The following EPHA6 variants were observed in gnomAD, a reference collection of about 807,000 sequenced individuals.
EPHA6 encodes ephrin type-A receptor 6.
A neutral mutation model predicts 112.0 loss-of-function variants in EPHA6; 50 were observed. The ratio of observed to expected loss-of-function variants is 0.45; its 90% CI spans 0.36 to 0.56. The LOEUF is 0.56. Among genes scored for constraint, EPHA6 ranks in the 20% least tolerant of loss-of-function variants. EPHA6 has a pLI of 0.00. For missense variants in EPHA6, 1,280 were observed against 1,417.4 expected (o/e 0.90, Z 1.56); for synonymous variants, 529 against 490.7 (o/e 1.08, Z -1.03).
At chr3:96,820,000 A>G (rs1481574937) in intron 1 of EPHA6, among the ~76,000 whole-genome samples, 1 of 152,122 alleles carries the variant, frequency 6.6e-6, no homozygotes, top group Non-Finnish European at 1.5e-5. Context: ...TTTGAAGGTG[A>G]CATTGAAACC....
intron 14 of EPHA6, among the ~76,000 whole-genome samples, chr3:97,702,205 T>G (rs2033434858): frequency 6.6e-6 from 1 of 152,204 alleles, no homozygotes; most frequent in Non-Finnish European, 1.5e-5. Context: ...AAACTATGCA[T>G]TTTTATCAGG....
chr3:97,440,739 A>G (rs947775563), intron 6 of EPHA6, among the ~76,000 whole-genome samples: 3 of 151,722 alleles, frequency 2.0e-5, no homozygotes, highest in Non-Finnish European at 4.4e-5. Context: ...AGCAAGTGTA[A>G]AATCAAAAAT....
chr3:97,402,428 C>G (rs1371664260), intron 5 of EPHA6, among the ~76,000 whole-genome samples: 1 of 152,180 alleles, frequency 6.6e-6, no homozygotes, highest in South Asian at 2.1e-4. Flanking sequence ...GACATAAACT[C>G]TATTTTACCT....
At chr3:97,599,697 G>A (rs1177261371) in intron 12 of EPHA6, among the ~76,000 whole-genome samples, 2 of 151,296 alleles carry the variant, frequency 1.3e-5, no homozygotes, top group African/African-American at 2.4e-5. Context: ...AAGTCAGATA[G>A]TGTGATGCCT....
chr3:97,009,485 A>G (rs1455949889), intron 3 of EPHA6, among the ~76,000 whole-genome samples: 1 of 152,166 alleles, frequency 6.6e-6, no homozygotes, highest in Non-Finnish European at 1.5e-5. Context: ...AGAGCAGCCT[A>G]GAGCTATAGA....
chr3:97,603,629 C>A (rs1384338705), intron 12 of EPHA6, among the ~76,000 whole-genome samples: 2 of 151,722 alleles, frequency 1.3e-5, no homozygotes, highest in African/African-American at 2.4e-5. Context: ...AAACATGTTA[C>A]AGGCAAAAAT....
chr3:96,963,960 T>A (rs1294350563), intron 2 of EPHA6, among the ~76,000 whole-genome samples: 1 of 152,118 alleles, frequency 6.6e-6, no homozygotes, highest in East Asian at 1.9e-4. Context: ...GTATAAGAAG[T>A]AAGATCCAGT....
intron 3 of EPHA6, among the ~76,000 whole-genome samples, chr3:97,128,688 G>T (rs1418507869): frequency 6.6e-6 from 1 of 151,798 alleles, no homozygotes; most frequent in Admixed American, 6.6e-5. Context: ...GCTAATTTTG[G>T]TATTTTTAGT....
chr3:97,250,894 G>T (rs895257296), intron 5 of EPHA6, among the ~76,000 whole-genome samples: 3 of 151,086 alleles, frequency 2.0e-5, no homozygotes, highest in Non-Finnish European at 4.4e-5. Flanking sequence ...TTTAGACAGA[G>T]TCTCACTTTG....
At chr3:97,257,585 T>A (rs1265465969) in intron 5 of EPHA6, among the ~76,000 whole-genome samples, 3 of 152,042 alleles carry the variant, frequency 2.0e-5, no homozygotes, top group African/African-American at 7.2e-5. Context: ...AATCTTCATA[T>A]CACTGCAGGA....
At chr3:97,020,049 G>T (rs2044399165) in intron 3 of EPHA6, among the ~76,000 whole-genome samples, 1 of 152,132 alleles carries the variant, frequency 6.6e-6, no homozygotes, top group African/African-American at 2.4e-5. Context: ...TGGAATATGA[G>T]TCTAAGTTGT....
chr3:97,655,476 C>A lies in EPHA6; in HGVS notation c.2784+17394C>A, dbSNP rs182604493. ...AAGATCTCATCATTTTTTATGGGTGCATAGTATTCCATGGTGTATATGTGC... is the reference window on the plus strand; with the variant it reads ...AAGATCTCATCATTTTTTATGGGTGAATAGTATTCCATGGTGTATATGTGC... On this transcript the variant is annotated intron_variant, in intron 14 of 17. Transcript: ENST00000389672. Among the ~76,000 whole-genome samples the A allele has an allele frequency of 5.3e-4, 81 of 151,944 alleles. 1 individual carries two copies. In the East Asian group the frequency reaches 0.013, roughly 24 times the overall value.
intron 5 of EPHA6, among the ~76,000 whole-genome samples, chr3:97,379,813 A>G (rs1327191006): frequency 2.0e-5 from 3 of 151,816 alleles, no homozygotes; most frequent in African/African-American, 4.8e-5. Flanking sequence ...AGGGAGAAAA[A>G]CCATAAAGTA....
At chr3:97,724,521 T>A (rs2034671788) in intron 15 of EPHA6, among the ~76,000 whole-genome samples, 1 of 152,076 alleles carries the variant, frequency 6.6e-6, no homozygotes, top group African/African-American at 2.4e-5. Context: ...ATATAATCAA[T>A]GCTTTGGGAG....
chr3:97,399,522 A>G (rs1475193813), intron 5 of EPHA6, among the ~76,000 whole-genome samples: 1 of 151,666 alleles, frequency 6.6e-6, no homozygotes, highest in Non-Finnish European at 1.5e-5. Context: ...ACTATTTTTC[A>G]TAATGACTGC....
chr3:96,943,695 A>G (rs1208905105), intron 2 of EPHA6, among the ~76,000 whole-genome samples: 1 of 152,246 alleles, frequency 6.6e-6, no homozygotes, highest in Non-Finnish European at 1.5e-5. Flanking sequence ...TAATGAAAGC[A>G]AAGTTGACTG....
At chr3:97,223,387 C>T (rs1559809206) in intron 3 of EPHA6, among the ~76,000 whole-genome samples, 2 of 152,010 alleles carry the variant, frequency 1.3e-5, no homozygotes, top group East Asian at 3.9e-4. Flanking sequence ...TGAACAAAGA[C>T]CTGATATAAA....
At chr3:96,932,441 CA>C (rs926407302) in intron 2 of EPHA6, among the ~76,000 whole-genome samples, 2 of 151,296 alleles carry the variant, frequency 1.3e-5, no homozygotes, top group African/African-American at 2.5e-5. Flanking sequence ...TTTACTTTAC[CA>C]AAATCCTTTA....
Position 97,627,600 on chromosome 3 carries a change from C to T in EPHA6, c.2575-10273C>T, listed in dbSNP as rs543057420. Among the ~76,000 whole-genome samples, 9 of 151,866 alleles carry T rather than the reference C, an allele frequency of 5.9e-5. No homozygotes were observed. The South Asian group carries it at 1.7e-3, about 28-fold the overall frequency. On this transcript the variant is annotated intron_variant, in intron 13 of 17. Coordinates refer to ENST00000389672, the MANE Select transcript of EPHA6 (RefSeq NM_001080448.3). ...AATGCCTGTTTTTCCTAAAACAATG[C>T]CAAATTATGCATGTTATCCCTTCAC...
Sources: gnomAD v4.1 joint callset for allele counts (sites outside exome capture counted in the v4.1 genomes callset) on GRCh38, gnomAD v4.1.1 for gene constraint, MANE v1.5 for transcripts, NCBI Gene and HGNC (gene_info 2026-07-23, HGNC 2026-07-21) for gene names.